Variants in ANKRD26 observed in about 807,000 individuals in gnomAD.
ANKRD26 encodes ankyrin repeat domain-containing protein 26.
ANKRD26 carries 141 observed loss-of-function variants against 208.7 expected under a neutral mutation model. The ratio of observed to expected loss-of-function variants is 0.68; its 90% CI spans 0.59 to 0.78. ANKRD26 has a LOEUF of 0.78. Ranked by LOEUF, ANKRD26 falls within the 30% of genes least tolerant of loss-of-function variation. ANKRD26 has a pLI of 0.00. For synonymous variants in ANKRD26, 636 were observed against 660.4 expected, an observed-to-expected ratio of 0.96 and a Z score of 0.57; for missense variants, 1,889 against 1,938.7, an observed-to-expected ratio of 0.97 and a Z score of 0.48.
In ANKRD26 at chr10:27,033,267, C is replaced by G. The variant is rs1458465516; in HGVS notation, c.3765G>C (p.Glu1255Asp). 1.2e-6 allele frequency: 2 copies of G among 1,612,256 alleles called. No individual in the cohort carries two copies. The highest frequency in any genetic ancestry group is 1.7e-4 in the Middle Eastern group (1 of 6,056). The change falls in exon 25 of 34, where the codon GAG (glutamate) becomes GAC (aspartate). Residue 1255 changes from glutamate to aspartate, a missense_variant. By Grantham distance (45) the Glu-to-Asp change is conservative (BLOSUM62 2). Coordinates refer to ENST00000376087, the MANE Select transcript of ANKRD26 (RefSeq NM_014915.3). ...TSRYRINLEDETQDLKKKLGQ... is the reference protein window; with the variant it reads ...TSRYRINLEDDTQDLKKKLGQ... ...CTAATTTCTTCTTTAAATCCTGTGT[C>G]TCATCTTCTAAATTAATACGATAAC...
the ANKRD26 span, among the ~76,000 whole-genome samples, chr10:26,954,499 GTTTAT>G: frequency 6.6e-6 from 1 of 151,598 alleles, no homozygotes; most frequent in African/African-American, 2.4e-5. Flanking sequence ...AAACTTACCT[GTTTAT>G]TTTTTCAGAT....
chr10:26,948,182 C>T, the ANKRD26 span, among the ~76,000 whole-genome samples: 59 of 152,344 alleles, frequency 3.9e-4, no homozygotes, highest in African/African-American at 1.3e-3. Flanking sequence ...CTCCAGTGAT[C>T]TGCCTGCTTC....
intron 5 of ANKRD26, 101 bp from the exon 6 acceptor site, chr10:27,082,934 G>A (rs577235056): frequency 1.4e-6 from 2 of 1,422,828 alleles, no homozygotes; most frequent in South Asian, 2.6e-5. Flanking sequence ...ATCCCTCTGG[G>A]ACCATATCTG....
chr10:27,003,789 C>G (rs760835642), downstream of ANKRD26, among the ~76,000 whole-genome samples: 1 of 152,122 alleles, frequency 6.6e-6, no homozygotes, highest in Non-Finnish European at 1.5e-5. Flanking sequence ...AAACAGCTGA[C>G]CTATACTCTC....
At chr10:27,043,748 A>C (rs1409173421) in intron 19 of ANKRD26, among the ~76,000 whole-genome samples, 181 bp from the exon 20 acceptor site, 2 of 152,100 alleles carry the variant, frequency 1.3e-5, no homozygotes, top group Non-Finnish European at 2.9e-5. Context: ...TTCAAAGTAA[A>C]TGTCTTTACA....
At chr10:26,995,750 G>C (rs1375768355) in intron 4 of ANKRD26, among the ~76,000 whole-genome samples, 1 of 152,140 alleles carries the variant, frequency 6.6e-6, no homozygotes, top group Non-Finnish European at 1.5e-5. Flanking sequence ...CATTCATCTT[G>C]AGACACCTTG....
At chr10:27,043,320 C>T in intron 20 of ANKRD26, 106 bp downstream of exon 20, 6 of 1,275,186 alleles carry the variant, frequency 4.7e-6, no homozygotes, top group Non-Finnish European at 6.7e-6. Flanking sequence ...ATCATAGCCA[C>T]CAATGAAGCA....
intron 20 of ANKRD26, among the ~76,000 whole-genome samples, chr10:27,042,067 AC>A (rs749498195): frequency 3.8e-4 from 58 of 152,176 alleles, no homozygotes; most frequent in Non-Finnish European, 5.6e-4. Context: ...CAAAAAAAAA[AC>A]AAACCCAAAA....
At chr10:26,961,245 T>C in the ANKRD26 span, among the ~76,000 whole-genome samples, 2 of 151,346 alleles carry the variant, frequency 1.3e-5, no homozygotes, top group Admixed American at 6.6e-5. Flanking sequence ...AAGAAGACTT[T>C]CAACATGCAA....
At chr10:26,972,651 T>C (rs970862138), downstream of ANKRD26, among the ~76,000 whole-genome samples, 14 of 146,852 alleles carry the variant, frequency 9.5e-5, no homozygotes, top group South Asian at 4.3e-4. Flanking sequence ...AGTGCAGTGG[T>C]GTGATCTTGG....
At position 27,013,326 on chromosome 10, in the gene ANKRD26, C is replaced by T. The variant is rs547584776; in HGVS notation, c.4725-216G>A. Among the ~76,000 whole-genome samples the T allele has an allele frequency of 5.3e-5, 8 of 152,022 alleles. No homozygotes were observed. In the East Asian group the frequency reaches 1.4e-3, roughly 26 times the overall value. On this transcript the variant is annotated intron_variant, in intron 31 of 33. Coordinates refer to ENST00000376087, the MANE Select transcript of ANKRD26 (RefSeq NM_014915.3). Reference sequence around the variant, plus strand: ...GTGCATATGTTTCTAGGGTAGTTTCCAACAAACAAGTAATTCAAGCAAAGT... The same window carrying T: ...GTGCATATGTTTCTAGGGTAGTTTCTAACAAACAAGTAATTCAAGCAAAGT...
At chr10:26,976,979 C>T (rs930921452) in intron 5 of ANKRD26, among the ~76,000 whole-genome samples, 3 of 152,168 alleles carry the variant, frequency 2.0e-5, no homozygotes, top group South Asian at 2.1e-4. Context: ...CACCTTTAGA[C>T]GATGAGTAGG....
At chr10:27,062,275 A>G in intron 12 of ANKRD26, 1 of 896,082 alleles carries the variant, frequency 1.1e-6, no homozygotes, top group Non-Finnish European at 1.3e-6. Flanking sequence ...TGGAAGAAAC[A>G]TGCTCAGAAA....
chr10:27,084,084 G>A (rs921197267), intron 5 of ANKRD26, among the ~76,000 whole-genome samples: 2 of 151,940 alleles, frequency 1.3e-5, no homozygotes, highest in Non-Finnish European at 2.9e-5. Context: ...ATGGTAGCAC[G>A]CACCTGTGAT....
intron 5 of ANKRD26, among the ~76,000 whole-genome samples, chr10:26,976,977 G>C (rs1036999893): frequency 6.6e-6 from 1 of 152,202 alleles, no homozygotes; most frequent in African/African-American, 2.4e-5. Context: ...CTCACCTTTA[G>C]ACGATGAGTA....
intron 28 of ANKRD26, 135 bp downstream of exon 28, chr10:27,024,312 A>C: frequency 1.8e-6 from 1 of 567,578 alleles, no homozygotes; most frequent in Non-Finnish European, 3.1e-6. Context: ...AACTTTCTAA[A>C]ACCATTTTAA....
chr10:26,974,737 T>C (rs1325563914), exon 6 of ANKRD26, among the ~76,000 whole-genome samples: 1 of 152,228 alleles, frequency 6.6e-6, no homozygotes, highest in East Asian at 1.9e-4. Context: ...ATCTACAAAT[T>C]GTCTTTATTT....
At chr10:26,983,798 T>C (rs2052344327) in intron 3 of ANKRD26, among the ~76,000 whole-genome samples, 1 of 151,998 alleles carries the variant, frequency 6.6e-6, no homozygotes, top group Admixed American at 6.6e-5. Flanking sequence ...CTCCTAAGAG[T>C]CTTTTCAATG....
At chr10:26,989,447 T>C (rs2134659689), downstream of ANKRD26, among the ~76,000 whole-genome samples, 1 of 152,308 alleles carries the variant, frequency 6.6e-6, no homozygotes, top group South Asian at 2.1e-4. Context: ...GAAAAAGACT[T>C]ATGGGCATTA....
Sources: gnomAD v4.1 joint callset for allele counts (sites outside exome capture counted in the v4.1 genomes callset) on GRCh38, gnomAD v4.1.1 for gene constraint, MANE v1.5 for transcripts, NCBI Gene and HGNC (gene_info 2026-07-23, HGNC 2026-07-21) for gene names.